Variants in PPM1E observed in about 807,000 individuals in gnomAD.
The protein encoded by PPM1E is protein phosphatase, Mg2+/Mn2+ dependent 1E.
In PPM1E, 20 loss-of-function variants were observed where a neutral mutation model predicts 65.9. That is an observed-to-expected ratio of 0.30 (90% CI 0.21 to 0.44). The LOEUF (loss-of-function observed/expected upper bound fraction) is 0.44, where lower values mean the gene tolerates loss of function less well. Among genes scored for constraint, PPM1E ranks in the 20% least tolerant of loss-of-function variants. The probability of loss-of-function intolerance (pLI) is 1.00; values close to 1 mark genes in which losing one functional copy is unlikely to be tolerated. For synonymous variants in PPM1E, 352 were observed against 374.9 expected (o/e 0.94, Z 0.70); for missense variants, 713 against 953.1 (o/e 0.75, Z 3.32).
At chr17:58,851,765 A>G (rs953091749) in intron 1 of PPM1E, among the ~76,000 whole-genome samples, 2 of 152,198 alleles carry the variant, frequency 1.3e-5, no homozygotes, top group Admixed American at 6.5e-5. Flanking sequence ...CCTTTCTCAG[A>G]TCTCAAATTC....
rs2031315140 is a variant in PPM1E, at chr17:58,980,846, G to C, written c.2083G>C (p.Glu695Gln). 1 of 1,614,030 alleles carries C rather than the reference G, an allele frequency of 6.2e-7. No individual in the cohort carries two copies. Among genetic ancestry groups the C allele is most frequent in the African/African-American group, 1.3e-5 (1 of 74,926 alleles). Residue 695 changes from glutamate (E) to glutamine (Q), a missense_variant, in exon 7 of 7, where the codon GAG becomes CAG. Glu to Gln is a conservative substitution (Grantham distance 29). This residue lies in a region of PPM1E where 286 missense variants were observed against 313.8 expected (regional missense o/e 0.91). Transcript: ENST00000308249. This position sits in a 1 kb window ranked among gnomAD's most constrained non-coding sequence, Gnocchi z 4.7. Reference protein sequence around the residue: ...PKFYSFLSAQEPSHKIGTSLS... With the variant: ...PKFYSFLSAQQPSHKIGTSLS... Reference sequence around the variant, plus strand: ...GTTTTATTCATTTCTCTCTGCTCAAGAGCCTTCCCACAAAATAGGCACTAG... The same window carrying C: ...GTTTTATTCATTTCTCTCTGCTCAACAGCCTTCCCACAAAATAGGCACTAG...
chr17:58,955,226 A>G (rs1009720980), intron 1 of PPM1E, among the ~76,000 whole-genome samples: 7 of 152,112 alleles, frequency 4.6e-5, no homozygotes, highest in African/African-American at 9.7e-5. Flanking sequence ...TTAGCTGGGC[A>G]TGGTGGCACA....
At chr17:58,788,843 A>C (rs1475195587) in intron 1 of PPM1E, among the ~76,000 whole-genome samples, 1 of 152,176 alleles carries the variant, frequency 6.6e-6, no homozygotes, top group Non-Finnish European at 1.5e-5. Flanking sequence ...CTTTATACAG[A>C]TTGAAACTGA....
intron 1 of PPM1E, among the ~76,000 whole-genome samples, chr17:58,817,506 T>C (rs2050438026): frequency 6.6e-6 from 1 of 152,218 alleles, no homozygotes; most frequent in Non-Finnish European, 1.5e-5. Context: ...TATATTTGCC[T>C]TTTTAGTACT....
intron 1 of PPM1E, among the ~76,000 whole-genome samples, chr17:58,874,197 G>C (rs887843653): frequency 1.3e-5 from 2 of 152,152 alleles, no homozygotes; most frequent in African/African-American, 4.8e-5. Context: ...GGTTGGCCTT[G>C]AGTTGAAATC....
Position 58,980,319 on chromosome 17 carries a change from A to T in PPM1E, c.1556A>T (p.Lys519Met), listed in dbSNP as rs746918842. The change falls in exon 7 of 7, where the codon AAG becomes ATG. Residue 519 changes from lysine (K) to methionine (M), a missense_variant. Transcript: ENST00000308249. This position sits in a 1 kb window ranked among gnomAD's most constrained non-coding sequence, Gnocchi z 4.7. ...QGGQEDGGDD[K>M]ENHGECKRPW... ...GGGCAAGAAGATGGTGGGGATGATA[A>T]GGAGAATCATGGAGAGTGCAAACGC... The T allele has an allele frequency of 5.6e-6, 9 of 1,614,038 alleles. No homozygotes were observed. The highest frequency in any genetic ancestry group is 7.6e-6 in the Non-Finnish European group (9 of 1,180,036).
intron 1 of PPM1E, among the ~76,000 whole-genome samples, chr17:58,945,530 A>G (rs1489748571): frequency 6.6e-6 from 1 of 152,120 alleles, no homozygotes; most frequent in Non-Finnish European, 1.5e-5. Context: ...GTGTCTTACA[A>G]TTTAACTCAA....
At chr17:58,907,957 A>G (rs2051579172) in intron 1 of PPM1E, among the ~76,000 whole-genome samples, 1 of 152,046 alleles carries the variant, frequency 6.6e-6, no homozygotes, top group East Asian at 1.9e-4. Context: ...TAATTTGTGC[A>G]TTTAGACTAT....
chr17:58,765,715 G>A (rs942856351), intron 1 of PPM1E, among the ~76,000 whole-genome samples: 5 of 151,930 alleles, frequency 3.3e-5, no homozygotes, highest in African/African-American at 1.2e-4. Flanking sequence ...TAATCTCCTG[G>A]TTAGAAGTAT....
intron 1 of PPM1E, among the ~76,000 whole-genome samples, chr17:58,919,261 G>T (rs1278450052): frequency 1.3e-5 from 2 of 152,068 alleles, no homozygotes; most frequent in African/African-American, 4.8e-5. Flanking sequence ...TAAACCTGGT[G>T]GAAGAATAGA....
In PPM1E at chr17:58,980,965, G is replaced by T. The variant is rs1325269508; in HGVS notation, c.2202G>T (p.Met734Ile). 2.5e-6 allele frequency: 4 copies of T among 1,614,168 alleles called. No homozygotes were observed. In the Admixed American group the frequency reaches 6.7e-5, roughly 27 times the overall value. ...GTTGGAAAGGGTACAGTGAAAACAT[G>T]AGGAAGCTCAGAAAGACTCATGATA... Reference protein sequence around the residue: ...QNSWKGYSENMRKLRKTHDIP... With the variant: ...QNSWKGYSENIRKLRKTHDIP... The change falls in exon 7 of 7, where the codon ATG becomes ATT. Residue 734 changes from methionine to isoleucine, a missense_variant. By Grantham distance (10) the Met-to-Ile change is conservative. Around this residue, in one of 6 missense-constraint regions of PPM1E, gnomAD observed 286 missense variants for 313.8 expected, o/e 0.91. Transcript: ENST00000308249. This position sits in a 1 kb window ranked among gnomAD's most constrained non-coding sequence, Gnocchi z 4.7.
At chr17:58,963,985 G>A (rs2030131584) in intron 2 of PPM1E, among the ~76,000 whole-genome samples, 1 of 152,188 alleles carries the variant, frequency 6.6e-6, no homozygotes, top group Admixed American at 6.5e-5. Context: ...AAACCTTGAG[G>A]TCAGCTTTTT....
At chr17:58,871,561 T>C (rs2051069791) in intron 1 of PPM1E, among the ~76,000 whole-genome samples, 1 of 152,124 alleles carries the variant, frequency 6.6e-6, no homozygotes. Context: ...ACACCTGTAA[T>C]CTCAGCACTT....
chr17:58,791,616 C>T (rs1161732903), intron 1 of PPM1E, among the ~76,000 whole-genome samples: 1 of 152,176 alleles, frequency 6.6e-6, no homozygotes, highest in Non-Finnish European at 1.5e-5. Flanking sequence ...CCTACCCAAG[C>T]ACAAAATTCC....
chr17:58,795,311 C>T (rs2050195577), intron 1 of PPM1E, among the ~76,000 whole-genome samples: 1 of 152,186 alleles, frequency 6.6e-6, no homozygotes, highest in Non-Finnish European at 1.5e-5. Context: ...AACTGCTTTT[C>T]ACAATGGGTG....
At chr17:58,819,456 GC>G (rs2050458288) in intron 1 of PPM1E, among the ~76,000 whole-genome samples, 1 of 152,122 alleles carries the variant, frequency 6.6e-6, no homozygotes, top group Non-Finnish European at 1.5e-5. Context: ...GCCCGCCATA[GC>G]CATATTTCTA....
intron 1 of PPM1E, among the ~76,000 whole-genome samples, chr17:58,902,714 T>C (rs1251634849): frequency 6.6e-6 from 1 of 152,174 alleles, no homozygotes; most frequent in Non-Finnish European, 1.5e-5. Flanking sequence ...CATCATTGTT[T>C]TGCTTCCAAA....
intron 1 of PPM1E, among the ~76,000 whole-genome samples, chr17:58,798,525 ATT>A (rs78922975): frequency 2.2e-4 from 20 of 89,816 alleles, no homozygotes; most frequent in East Asian, 3.2e-4. Flanking sequence ...ACACGGCCCT[ATT>A]TTTTTTTTTT....
chr17:58,837,332 TACACACAC>T (rs59797345), intron 1 of PPM1E, among the ~76,000 whole-genome samples: 2 of 131,366 alleles, frequency 1.5e-5, no homozygotes, highest in South Asian at 2.5e-4. Flanking sequence ...CACACACACA[TACACACAC>T]ACACACACAC....
Sources: allele counts gnomAD v4.1 joint callset (sites outside exome capture counted in the v4.1 genomes callset), GRCh38; gene constraint gnomAD v4.1.1; regional missense constraint gnomAD v4.1.1; non-coding constraint Gnocchi (gnomAD v3.1); transcripts MANE v1.5; gene names NCBI Gene and HGNC (gene_info 2026-07-23, HGNC 2026-07-21).